Variants in SLC2A9 observed in about 807,000 individuals in gnomAD.
SLC2A9 encodes the protein solute carrier family 2, facilitated glucose transporter member 9.
Under a neutral mutation model 50.6 loss-of-function variants are expected in SLC2A9, and 39 were observed. The observed-to-expected ratio is 0.77, with a 90% confidence interval of 0.60 to 1.01. The LOEUF (loss-of-function observed/expected upper bound fraction) is 1.01, where lower values mean the gene tolerates loss of function less well. Among genes scored for constraint, SLC2A9 ranks in the 50% least tolerant of loss-of-function variants. The pLI is 0.00. For synonymous variants in SLC2A9, 324 were observed against 276.9 expected (o/e 1.17, Z -1.69); for missense variants, 686 against 677.6 (o/e 1.01, Z -0.14).
At chr4:9,785,011 C>T (rs1232918637) in intron 3 of SLC2A9, among the ~76,000 whole-genome samples, 1 of 152,122 alleles carries the variant, frequency 6.6e-6, no homozygotes, top group East Asian at 1.9e-4. Flanking sequence ...CTATTCAGTA[C>T]ATCAATTTTT....
chr4:9,919,618 A>G (rs1030782433), intron 7 of SLC2A9, among the ~76,000 whole-genome samples: 22 of 152,104 alleles, frequency 1.4e-4, no homozygotes, highest in African/African-American at 4.8e-4. Flanking sequence ...GGGTTCAGTC[A>G]GTCTCCTCCC....
At chr4:9,782,370 A>G (rs1202240996) in intron 3 of SLC2A9, 1 of 1,613,974 alleles carries the variant, frequency 6.2e-7, no homozygotes, top group Admixed American at 1.7e-5. Flanking sequence ...GCGTTCTGCG[A>G]CGTCTGGGTG....
intron 10 of SLC2A9, among the ~76,000 whole-genome samples, chr4:9,854,254 A>T (rs11932607): frequency 0.16 from 24,180 of 152,106 alleles, 2,628 homozygotes; most frequent in African/African-American, 0.3. Flanking sequence ...AAACTAATTA[A>T]AAAAGAGAGA....
chr4:9,880,185 T>A (rs1164018496), intron 10 of SLC2A9: 1 of 985,336 alleles, frequency 1.0e-6, no homozygotes, highest in African/African-American at 1.7e-5. Flanking sequence ...GTGGCAGCTT[T>A]TCTTAGACAG....
chr4:9,822,782 A>AT (rs1724587222), downstream of SLC2A9, among the ~76,000 whole-genome samples: 1 of 151,890 alleles, frequency 6.6e-6, no homozygotes, highest in Non-Finnish European at 1.5e-5. Context: ...GACTTTCAAG[A>AT]TTTTTTCCTT....
chr4:9,963,516 C>T (rs1752601233), intron 5 of SLC2A9, among the ~76,000 whole-genome samples: 1 of 152,214 alleles, frequency 6.6e-6, no homozygotes, highest in South Asian at 2.1e-4. Flanking sequence ...GAAAGGTGGA[C>T]ACGCGGATGA....
At chr4:9,788,627 G>A (rs1336519163) in intron 3 of SLC2A9, among the ~76,000 whole-genome samples, 2 of 152,070 alleles carry the variant, frequency 1.3e-5, no homozygotes, top group African/African-American at 4.8e-5. Flanking sequence ...CTCAGTCTAG[G>A]GGCAACACTC....
intron 10 of SLC2A9, among the ~76,000 whole-genome samples, chr4:9,872,529 G>A (rs949355075): frequency 1.3e-5 from 2 of 152,198 alleles, no homozygotes; most frequent in Admixed American, 1.3e-4. Context: ...TTCGATAAAT[G>A]TGTTGCTATA....
downstream of SLC2A9, among the ~76,000 whole-genome samples, chr4:9,778,316 C>T (rs1279649177): frequency 2.0e-5 from 3 of 152,220 alleles, no homozygotes; most frequent in Non-Finnish European, 4.4e-5. Context: ...GACGGGGTTT[C>T]ACCATGTTGG....
chr4:9,787,749 C>T (rs1043812514), intron 3 of SLC2A9, among the ~76,000 whole-genome samples: 2 of 152,172 alleles, frequency 1.3e-5, no homozygotes, highest in African/African-American at 4.8e-5. Context: ...ACTTGTCCTT[C>T]AACTTGGGTT....
intron 3 of SLC2A9, chr4:9,781,953 T>C: frequency 7.9e-7 from 1 of 1,263,042 alleles, no homozygotes; most frequent in Non-Finnish European, 1.0e-6. Context: ...ATCCTCGGGG[T>C]GCCCGATGGG....
chr4:9,996,492 AG>A (rs1357507423), intron 3 of SLC2A9, among the ~76,000 whole-genome samples: 1 of 152,034 alleles, frequency 6.6e-6, no homozygotes, highest in Non-Finnish European at 1.5e-5. Flanking sequence ...GGGTGGGAGG[AG>A]GGAGGGGTCA....
chr4:9,802,559 CTTTTTT>C (rs1238703528), intron 3 of SLC2A9, among the ~76,000 whole-genome samples: 4 of 127,036 alleles, frequency 3.1e-5, no homozygotes, highest in African/African-American at 1.2e-4. Context: ...TTGTTCTTTT[CTTTTTT>C]TTTTTTTTTT....
At chr4:9,773,285 C>A (rs1717089089) in intron 1 of SLC2A9, among the ~76,000 whole-genome samples, 1 of 152,152 alleles carries the variant, frequency 6.6e-6, no homozygotes, top group Admixed American at 6.5e-5. Flanking sequence ...TATTCCCTGC[C>A]CTGTGCCAAG....
intron 1 of SLC2A9, among the ~76,000 whole-genome samples, chr4:10,020,647 G>A (rs1335831876): frequency 2.0e-5 from 3 of 152,184 alleles, no homozygotes; most frequent in South Asian, 2.1e-4. Flanking sequence ...TCTGAGTCTC[G>A]GCACAGATAC....
rs139638013 is a variant in SLC2A9 at position 9,858,574 on chromosome 4, G to C, written c.1292-23566C>G. On this transcript the variant is annotated intron_variant, in intron 10 of 11. Transcript: ENST00000264784. ...TCAGACATTTTGAGAGTGTAAGGGG[G>C]GATGGTATTAATAGTCACGTCAGGA... 2.6e-3 allele frequency among the ~76,000 whole-genome samples: 395 copies of C among 152,276 alleles called. 1 individual carries two copies. Among genetic ancestry groups the C allele is most frequent in the African/African-American group, 9.0e-3 (374 of 41,530 alleles).
chr4:9,984,025 C>A (rs969371800), intron 4 of SLC2A9, among the ~76,000 whole-genome samples: 7 of 152,140 alleles, frequency 4.6e-5, no homozygotes, highest in Non-Finnish European at 1.0e-4. Context: ...AGCATGAACA[C>A]AGTTGGTCAG....
intron 1 of SLC2A9, among the ~76,000 whole-genome samples, chr4:10,032,057 C>T (rs1763955486): frequency 6.6e-6 from 1 of 152,090 alleles, no homozygotes; most frequent in African/African-American, 2.4e-5. Context: ...TGTGTCAGGC[C>T]CACCCTATTC....
intron 11 of SLC2A9, among the ~76,000 whole-genome samples, chr4:9,827,496 C>A (rs939014916): frequency 4.6e-5 from 7 of 152,190 alleles, no homozygotes; most frequent in Non-Finnish European, 8.8e-5. Flanking sequence ...GAAGCAATAT[C>A]CAGATTTTAG....
Sources: allele counts gnomAD v4.1 joint callset (sites outside exome capture counted in the v4.1 genomes callset), GRCh38; gene constraint gnomAD v4.1.1; transcripts MANE v1.5; gene names NCBI Gene and HGNC (gene_info 2026-07-23, HGNC 2026-07-21).